The following ZNF18 variants were observed in gnomAD, a reference collection of about 807,000 sequenced individuals.
ZNF18 encodes heart development-specific gene 1 protein.
In ZNF18, 42 loss-of-function variants were observed where a neutral mutation model predicts 58.1. That is an observed-to-expected ratio of 0.72 (90% CI 0.56 to 0.93). ZNF18 has a LOEUF of 0.93. ZNF18 is among the 40% of genes least tolerant of loss of function. ZNF18 has a pLI of 0.00. For synonymous variants in ZNF18, 231 were observed against 239.8 expected, an observed-to-expected ratio of 0.96 and a Z score of 0.34; for missense variants, 540 against 644.2, an observed-to-expected ratio of 0.84 and a Z score of 1.75.
At position 11,978,153 on chromosome 17, in the gene ZNF18, A is replaced by T. The variant is rs750664018; in HGVS notation, c.1454T>A (p.Ile485Asn). The change falls in exon 7 of 7, where the codon ATC (isoleucine) becomes AAC (asparagine). Residue 485 changes from isoleucine (I) to asparagine (N), a missense_variant. Coordinates refer to ENST00000580306, the MANE Select transcript of ZNF18 (RefSeq NM_001303281.2). ...TTTATAGGGTTTCTCTCCTGTGTGG[A>T]TTTTCTCGTGGTGGCGCAATCCTGA... ...DFSGLRHHEKIHTGEKPYKCP... is the reference protein window; with the variant it reads ...DFSGLRHHEKNHTGEKPYKCP... 6.2e-7 allele frequency: 1 copy of T among 1,613,806 alleles called. No homozygotes were observed. Among genetic ancestry groups the T allele is most frequent in the African/African-American group, 1.3e-5 (1 of 74,906 alleles).
the ZNF18 span, among the ~76,000 whole-genome samples, chr17:12,006,077 T>C: frequency 6.6e-6 from 1 of 152,188 alleles, no homozygotes; most frequent in African/African-American, 2.4e-5. Context: ...CCTGGAAGTA[T>C]GATTTTTTAA....
chr17:12,003,859 A>G, the ZNF18 span, among the ~76,000 whole-genome samples: 1 of 152,226 alleles, frequency 6.6e-6, no homozygotes, highest in African/African-American at 2.4e-5. Context: ...TAGTTTGCAC[A>G]TATGTTGAAC....
At chr17:12,018,779 T>C in the ZNF18 span, among the ~76,000 whole-genome samples, 1 of 152,142 alleles carries the variant, frequency 6.6e-6, no homozygotes, top group African/African-American at 2.4e-5. Flanking sequence ...TAGTTTACAA[T>C]ACCAACAGCA....
chr17:12,009,614 G>A, the ZNF18 span, among the ~76,000 whole-genome samples: 737 of 151,850 alleles, frequency 4.9e-3, 1 homozygote, highest in Non-Finnish European at 7.9e-3. Context: ...CACCATGCTC[G>A]GCTAATTTTT....
At chr17:11,992,404 C>T (rs1567607153) in intron 2 of ZNF18, 39 bp downstream of exon 2, 1 of 1,588,648 alleles carries the variant, frequency 6.3e-7, no homozygotes, top group East Asian at 2.2e-5. Flanking sequence ...AGAGAGGAGC[C>T]CTGTGTTTCA....
chr17:11,996,199 A>G (rs1321802226), intron 1 of ZNF18, among the ~76,000 whole-genome samples: 1 of 152,212 alleles, frequency 6.6e-6, no homozygotes, highest in Non-Finnish European at 1.5e-5. Flanking sequence ...AACCACCTGA[A>G]AAGCAGCTTT....
chr17:11,984,266 T>C, intron 4 of ZNF18, 69 bp from the exon 5 acceptor site: 1 of 1,452,610 alleles, frequency 6.9e-7, no homozygotes, highest in Admixed American at 2.2e-5. Flanking sequence ...CTGCCTTCCC[T>C]GCCTAAAGGA....
chr17:12,003,586 C>T, the ZNF18 span, among the ~76,000 whole-genome samples: 1 of 152,156 alleles, frequency 6.6e-6, no homozygotes, highest in African/African-American at 2.4e-5. Flanking sequence ...GTGGATAAAT[C>T]CTGATGCATC....
the ZNF18 span, among the ~76,000 whole-genome samples, chr17:12,018,922 G>A: frequency 2.0e-5 from 3 of 150,270 alleles, no homozygotes; most frequent in Admixed American, 2.0e-4. Flanking sequence ...TAGGTTGAAG[G>A]TTTTCCTATA....
chr17:11,990,398 G>A, intron 4 of ZNF18, 64 bp downstream of exon 4: 2 of 1,379,160 alleles, frequency 1.5e-6, no homozygotes, highest in Non-Finnish European at 2.0e-6. Context: ...GTGAAGAGAA[G>A]CAGGAGGATG....
In ZNF18 at chr17:11,992,713, G is replaced by A. The variant is rs781530277; in HGVS notation, c.117C>T (p.Thr39=). The change falls in exon 2 of 7, where the codon ACC becomes ACT. Residue 39 remains threonine (T), a synonymous_variant. Coordinates refer to ENST00000580306, the MANE Select transcript of ZNF18 (RefSeq NM_001303281.2). The stretch of plus-strand genomic sequence containing the variant: ...GGAACTGCCTGAAAAGCTGGCGTGC[G>A]GTCTCAGGGCTGGAGAGTTCCTCTT... The part of the protein sequence containing the change: ...ALQEELSSPE[T]ARQLFRQFRY... 8.7e-6 allele frequency: 14 copies of A among 1,614,116 alleles called. No homozygotes were observed. Among genetic ancestry groups the A allele is most frequent in the South Asian group, 3.3e-5 (3 of 91,090 alleles).
the ZNF18 span, among the ~76,000 whole-genome samples, chr17:12,017,179 A>T: frequency 6.6e-6 from 1 of 152,080 alleles, no homozygotes; most frequent in Non-Finnish European, 1.5e-5. Flanking sequence ...CCTGGGCAAC[A>T]GAGCAAGACT....
chr17:11,980,801 T>TA (rs760982715), intron 6 of ZNF18, among the ~76,000 whole-genome samples: 1 of 152,222 alleles, frequency 6.6e-6, no homozygotes, highest in Non-Finnish European at 1.5e-5. Context: ...TCTATTTTTA[T>TA]ATCAGAATCA....
Position 11,978,528 on chromosome 17 carries a change from G to C in ZNF18, c.1079C>G (p.Ser360Cys). ...TTTCTCAGAAATCCTTTCTTGAGGA[G>C]ACAGCTGTTCCCCTGTTCCCTCATC... is the stretch of plus-strand genomic sequence containing the variant. ...IQDEGTGEQL[S>C]PQERISEKQL... Residue 360 changes from serine (S) to cysteine (C), a missense_variant, in exon 7 of 7, where the codon TCT becomes TGT. Physicochemically the swap from Ser to Cys is moderately radical, Grantham distance 112. Transcript: ENST00000580306. The C allele has an allele frequency of 1.2e-6, 2 of 1,610,630 alleles. No individual in the cohort carries two copies. The highest frequency in any genetic ancestry group is 1.7e-6 in the Non-Finnish European group (2 of 1,178,774).
intron 2 of ZNF18, among the ~76,000 whole-genome samples, chr17:11,992,003 T>C (rs1011549376): frequency 1.3e-5 from 2 of 152,174 alleles, no homozygotes; most frequent in Admixed American, 6.5e-5. Context: ...CTCCACGCTC[T>C]TTCCCCCACA....
chr17:11,986,215 A>G (rs1319604887), intron 4 of ZNF18, among the ~76,000 whole-genome samples: 2 of 152,204 alleles, frequency 1.3e-5, no homozygotes, highest in Non-Finnish European at 2.9e-5. Context: ...CTTGCCTTCC[A>G]CCATGATTGG....
At chr17:12,013,684 G>T in the ZNF18 span, among the ~76,000 whole-genome samples, 9 of 151,900 alleles carry the variant, frequency 5.9e-5, no homozygotes, top group African/African-American at 1.7e-4. Context: ...ACATTTTTTT[G>T]TTGGGTATTC....
chr17:12,013,748 T>G, the ZNF18 span, among the ~76,000 whole-genome samples: 15 of 152,250 alleles, frequency 9.9e-5, no homozygotes, highest in Non-Finnish European at 2.1e-4. Context: ...TTCAACATTC[T>G]AAAAACAGAG....
intron 6 of ZNF18, 57 bp from the exon 7 acceptor site, chr17:11,978,801 C>T: frequency 3.3e-6 from 2 of 607,064 alleles, no homozygotes; most frequent in East Asian, 8.6e-5. Flanking sequence ...TTTTCTAACT[C>T]ATATGTCAAA....
Sources: gnomAD v4.1 joint callset for allele counts (sites outside exome capture counted in the v4.1 genomes callset) on GRCh38, gnomAD v4.1.1 for gene constraint, MANE v1.5 for transcripts, NCBI Gene and HGNC (gene_info 2026-07-23, HGNC 2026-07-21) for gene names.